The following DLGAP2 variants were observed in gnomAD, a reference collection of about 807,000 sequenced individuals.
DLGAP2 encodes the protein disks large-associated protein 2.
Under a neutral mutation model 100.3 loss-of-function variants are expected in DLGAP2, and 26 were observed. The observed-to-expected ratio is 0.26, with a 90% CI of 0.19 to 0.36. The LOEUF (loss-of-function observed/expected upper bound fraction) is 0.36. Among genes scored for constraint, DLGAP2 ranks in the 10% least tolerant of loss-of-function variants. DLGAP2 has a pLI of 1.00. For missense variants in DLGAP2, 1,858 were observed against 1,453.2 expected, an observed-to-expected ratio of 1.28 and a Z score of -4.53; for synonymous variants, 886 against 630.1, an observed-to-expected ratio of 1.41 and a Z score of -6.08.
chr8:1,281,859 G>C (rs1308784178), intron 3 of DLGAP2, among the ~76,000 whole-genome samples: 1 of 152,230 alleles, frequency 6.6e-6, no homozygotes, highest in Non-Finnish European at 1.5e-5. Flanking sequence ...ACCACACTGG[G>C]CTTTGATCTG....
At chr8:807,730 T>G (rs1446349269) in intron 1 of DLGAP2, among the ~76,000 whole-genome samples, 1 of 152,226 alleles carries the variant, frequency 6.6e-6, no homozygotes, top group Non-Finnish European at 1.5e-5. Flanking sequence ...TGTCCCTGTG[T>G]GTTTTTCCAT....
chr8:834,274 A>G (rs1169992876), intron 1 of DLGAP2, among the ~76,000 whole-genome samples: 3 of 152,198 alleles, frequency 2.0e-5, no homozygotes, highest in African/African-American at 4.8e-5. Flanking sequence ...CGTGGGGCAG[A>G]GCCAGTCCTG....
chr8:1,372,915 C>T (rs1356147692), intron 3 of DLGAP2, among the ~76,000 whole-genome samples: 5 of 152,174 alleles, frequency 3.3e-5, no homozygotes, highest in Middle Eastern at 3.2e-3. Context: ...AAGATCCGTA[C>T]GGGGCACTCT....
At chr8:1,213,762 G>A (rs1798156151) in intron 2 of DLGAP2, among the ~76,000 whole-genome samples, 1 of 152,130 alleles carries the variant, frequency 6.6e-6, no homozygotes, top group African/African-American at 2.4e-5. Flanking sequence ...GTGCTTTCTG[G>A]ACACCAGCAT....
chr8:1,138,356 C>T (rs1191186637), intron 2 of DLGAP2, among the ~76,000 whole-genome samples: 1 of 152,218 alleles, frequency 6.6e-6, no homozygotes, highest in Non-Finnish European at 1.5e-5. Context: ...CTCTGCAGGC[C>T]CTGCCTGCCC....
intron 1 of DLGAP2, among the ~76,000 whole-genome samples, chr8:869,610 G>C (rs1290778263): frequency 2.0e-5 from 3 of 152,204 alleles, no homozygotes; most frequent in Non-Finnish European, 4.4e-5. Context: ...AAGGCTGGCA[G>C]CTGGATAAAG....
chr8:755,422 A>C (rs1286753272), intron 1 of DLGAP2, among the ~76,000 whole-genome samples: 3 of 152,178 alleles, frequency 2.0e-5, no homozygotes, highest in Admixed American at 6.5e-5. Flanking sequence ...TTGCCACTGC[A>C]CTCCAGCCTG....
chr8:1,347,250 A>T (rs1205110434), intron 3 of DLGAP2, among the ~76,000 whole-genome samples: 2 of 150,814 alleles, frequency 1.3e-5, no homozygotes, highest in African/African-American at 4.9e-5. Flanking sequence ...GGCTGTGTGT[A>T]GGTTGAGTTC....
At chr8:1,420,368 T>G (rs1220008716) in intron 3 of DLGAP2, among the ~76,000 whole-genome samples, 11 of 152,162 alleles carry the variant, frequency 7.2e-5, no homozygotes, top group African/African-American at 2.7e-4. Context: ...TTCAGATAAA[T>G]ACACGTAAAT....
chr8:1,445,644 A>G (rs1425665679), intron 3 of DLGAP2, among the ~76,000 whole-genome samples: 1 of 152,182 alleles, frequency 6.6e-6, no homozygotes, highest in East Asian at 1.9e-4. Context: ...TTCTAGTTCT[A>G]GATCCCTGAG....
At chr8:1,190,477 C>T (rs914029116) in intron 2 of DLGAP2, among the ~76,000 whole-genome samples, 6 of 152,080 alleles carry the variant, frequency 3.9e-5, no homozygotes, top group South Asian at 4.1e-4. Context: ...CACTTGGTGC[C>T]GGGCAATCTT....
chr8:1,377,697 T>C (rs1795990943), intron 3 of DLGAP2, among the ~76,000 whole-genome samples: 1 of 152,220 alleles, frequency 6.6e-6, no homozygotes, highest in Non-Finnish European at 1.5e-5. Context: ...TCAGTGGATC[T>C]GAGTGCAGCT....
At chr8:1,348,129 T>C (rs1340987909) in intron 3 of DLGAP2, among the ~76,000 whole-genome samples, 1 of 151,622 alleles carries the variant, frequency 6.6e-6, no homozygotes, top group Admixed American at 6.6e-5. Context: ...GTTAGCTGTG[T>C]GGAGGTTGAG....
chr8:863,598 CTGTGCAGA>C (rs1797434191), intron 1 of DLGAP2, among the ~76,000 whole-genome samples: 1 of 152,148 alleles, frequency 6.6e-6, no homozygotes, highest in Non-Finnish European at 1.5e-5. Flanking sequence ...GTTTCCTTTG[CTGTGCAGA>C]AGCTCCAGTT....
chr8:1,342,036 G>A (rs558412914), intron 3 of DLGAP2, among the ~76,000 whole-genome samples: 1 of 152,114 alleles, frequency 6.6e-6, no homozygotes, highest in East Asian at 1.9e-4. Context: ...CTGCAGCCTC[G>A]ACCTTCTGGG....
intron 2 of DLGAP2, among the ~76,000 whole-genome samples, chr8:1,149,977 C>G (rs1251935660): frequency 6.6e-6 from 1 of 152,206 alleles, no homozygotes; most frequent in Non-Finnish European, 1.5e-5. Context: ...GATACGAATT[C>G]TGTATGTATG....
intron 2 of DLGAP2, among the ~76,000 whole-genome samples, chr8:1,155,438 T>C: frequency 6.6e-6 from 1 of 152,160 alleles, no homozygotes; most frequent in South Asian, 2.1e-4. Flanking sequence ...GCGCACCGGC[T>C]TCCCTGGGAG....
At chr8:816,878 C>T (rs1585894703) in intron 1 of DLGAP2, among the ~76,000 whole-genome samples, 1 of 152,230 alleles carries the variant, frequency 6.6e-6, no homozygotes, top group South Asian at 2.1e-4. Flanking sequence ...ACATTTAACA[C>T]AGTCCCAAAC....
At chr8:1,215,167 G>A (rs542361078) in intron 2 of DLGAP2, among the ~76,000 whole-genome samples, 1 of 152,346 alleles carries the variant, frequency 6.6e-6, no homozygotes, top group East Asian at 1.9e-4. Context: ...AGTCATTAAT[G>A]GAGTGTCTCA....
Sources: allele counts gnomAD v4.1 joint callset (sites outside exome capture counted in the v4.1 genomes callset), GRCh38; gene constraint gnomAD v4.1.1; transcripts MANE v1.5; gene names NCBI Gene and HGNC (gene_info 2026-07-23, HGNC 2026-07-21).